The following DHCR7 variants were observed in gnomAD, a reference collection of about 807,000 sequenced individuals.
DHCR7 encodes 7-dehydrocholesterol reductase, also known as 7-DHC reductase.
A neutral mutation model predicts 43.3 loss-of-function variants in DHCR7; 40 were observed. The observed-to-expected ratio is 0.92, with a 90% confidence interval of 0.72 to 1.20. DHCR7 has a LOEUF of 1.20. Among genes scored for constraint, DHCR7 ranks in the 50% most tolerant of loss-of-function variants. DHCR7 has a pLI of 0.00. For synonymous variants in DHCR7, 298 were observed against 271.4 expected, an observed-to-expected ratio of 1.10 and a Z score of -0.96; for missense variants, 608 against 644.6, an observed-to-expected ratio of 0.94 and a Z score of 0.62.
chr11:71,440,175 A>C (rs1949333348), intron 6 of DHCR7, among the ~76,000 whole-genome samples: 1 of 152,110 alleles, frequency 6.6e-6, no homozygotes, highest in South Asian at 2.1e-4. Context: ...AGGAAGCCAG[A>C]GGGAGCAGGC....
chr11:71,438,990 A>G lies in DHCR7; in HGVS notation c.720T>C (p.Asn240=). The change falls in exon 7 of 9, where the codon AAT becomes AAC. Residue 240 remains asparagine (N), a synonymous_variant. Coordinates refer to ENST00000355527, the MANE Select transcript of DHCR7 (RefSeq NM_001360.3). ...TCCAGGCGACGATCCCGGGGCGCCC[A>G]TTGAAGAACAGCTTGAAGTCAAACC... ...GKWFDFKLFF[N]GRPGIVAWTL... 1 of 1,614,126 alleles carries G rather than the reference A, an allele frequency of 6.2e-7. No individual in the cohort carries two copies. Among genetic ancestry groups the G allele is most frequent in the Non-Finnish European group, 8.5e-7 (1 of 1,180,046 alleles).
chr11:71,441,296 A>T lies in DHCR7; in HGVS notation c.557T>A (p.Ile186Asn), dbSNP rs1472308699. ...GAAGGTGGAGACGGCATAGCCAAGGATGTTGGCGCACCACAGCAGTGGGAT... is the reference window on the plus strand; with the variant it reads ...GAAGGTGGAGACGGCATAGCCAAGGTTGTTGGCGCACCACAGCAGTGGGAT... Reference protein sequence around the residue: ...NWIPLLWCANILGYAVSTFAM... With the variant: ...NWIPLLWCANNLGYAVSTFAM... The change falls in exon 6 of 9, where the codon ATC becomes AAC. Residue 186 changes from isoleucine to asparagine, a missense_variant. Ile to Asn is a moderately radical substitution (Grantham distance 149). Coordinates refer to ENST00000355527, the MANE Select transcript of DHCR7 (RefSeq NM_001360.3). 3 of 1,614,192 alleles carry T rather than the reference A, an allele frequency of 1.9e-6. No individual in the cohort carries two copies. Among genetic ancestry groups the T allele is most frequent in the Non-Finnish European group, 2.5e-6 (3 of 1,180,036 alleles).
intron 2 of DHCR7, among the ~76,000 whole-genome samples, chr11:71,429,063 T>G (rs1949215072): frequency 6.6e-6 from 1 of 152,230 alleles, no homozygotes; most frequent in Non-Finnish European, 1.5e-5. Flanking sequence ...CAGCTAAGTG[T>G]TGCAAACAGT....
intron 8 of DHCR7, among the ~76,000 whole-genome samples, chr11:71,437,006 G>A (rs1005500293): frequency 6.6e-6 from 1 of 152,172 alleles, no homozygotes; most frequent in Non-Finnish European, 1.5e-5. Flanking sequence ...GAGAAATGGG[G>A]CCGGGTGGGC....
intron 6 of DHCR7, 33 bp from the exon 7 acceptor site, chr11:71,439,116 G>A (rs746371113): frequency 3.2e-6 from 5 of 1,587,074 alleles, no homozygotes; most frequent in African/African-American, 1.4e-5. Flanking sequence ...ACATTTAGTG[G>A]ATGAGCATAT....
chr11:71,444,854 C>G lies in DHCR7; in HGVS notation c.98+1G>C. ...GCTGGGAGAACAGGCAAGATCCTTA[C>G]CAGGCACGGCCCCACTGCCCTTGAG... is the stretch of plus-strand genomic sequence containing the variant. On this transcript the variant is annotated splice_donor_variant, in intron 3 of 8. Coordinates refer to ENST00000355527, the MANE Select transcript of DHCR7 (RefSeq NM_001360.3). LOFTEE classifies it high-confidence loss of function. The G allele has an allele frequency of 6.2e-7, 1 of 1,613,752 alleles. No individual in the cohort carries two copies. The highest frequency in any genetic ancestry group is 8.5e-7 in the Non-Finnish European group (1 of 1,179,602).
chr11:71,443,684 G>A (rs1949371941), intron 4 of DHCR7, among the ~76,000 whole-genome samples: 1 of 152,192 alleles, frequency 6.6e-6, no homozygotes, highest in African/African-American at 2.4e-5. Context: ...GCTTCCTCAG[G>A]ACAGCACTGC....
intron 2 of DHCR7, among the ~76,000 whole-genome samples, chr11:71,429,026 C>A (rs1249394115): frequency 2.0e-5 from 3 of 152,230 alleles, no homozygotes; most frequent in Admixed American, 2.0e-4. Context: ...AACAAGGAAA[C>A]CAGTTCCAGA....
Position 71,434,904 on chromosome 11 carries a change from G to C in DHCR7, c.*471C>G, listed in dbSNP as rs1342962711. 2.8e-6 allele frequency: 1 copy of C among 358,800 alleles called. No individual in the cohort carries two copies. The highest frequency in any genetic ancestry group is 7.4e-5 in the East Asian group (1 of 13,522). 22.2% of individuals were successfully genotyped at this position (358,800 alleles called of 1,614,324 possible). On this transcript the variant is annotated 3_prime_UTR_variant, in exon 9 of 9. Transcript: ENST00000355527. Reference sequence around the variant, plus strand: ...CACGGGCCCCACCCACGACTGCAGAGCAGGCAGGGGAGGGGGATCTAGAGC... The same window carrying C: ...CACGGGCCCCACCCACGACTGCAGACCAGGCAGGGGAGGGGGATCTAGAGC...
At chr11:71,441,144 A>AC in intron 6 of DHCR7, 83 bp downstream of exon 6, 1 of 1,346,916 alleles carries the variant, frequency 7.4e-7, no homozygotes, top group South Asian at 1.2e-5. Flanking sequence ...GGGCTTTACA[A>AC]CCACCTGCCC....
chr11:71,445,223 GC>G lies in DHCR7; in HGVS notation c.-6-266del, dbSNP rs570160599. Among the ~76,000 whole-genome samples the G allele has an allele frequency of 1.2e-3, 187 of 152,256 alleles. 1 individual carries two copies. The highest frequency in any genetic ancestry group is 4.1e-3 in the African/African-American group (169 of 41,562). On this transcript the variant is annotated intron_variant, in intron 2 of 8. Coordinates refer to ENST00000355527, the MANE Select transcript of DHCR7 (RefSeq NM_001360.3). ...GTTCATTCTCCAAACATGGCAGAATGCCCCCCCTCTTACAGCACAAGCTGGC... is the reference window on the plus strand; with the variant it reads ...GTTCATTCTCCAAACATGGCAGAATGCCCCCCTCTTACAGCACAAGCTGGC...
In DHCR7 at chr11:71,435,347, C is replaced by A. The variant is rs114143715; in HGVS notation, c.*28G>T. ...CTGGCAGAACACGCTCTTGACAGCC[C>A]CACAGGGCTTCTCCCTAGGGCGTGC... On this transcript the variant is annotated 3_prime_UTR_variant, in exon 9 of 9. Coordinates refer to ENST00000355527, the MANE Select transcript of DHCR7 (RefSeq NM_001360.3). 8.4e-4 allele frequency: 1,347 copies of A among 1,607,478 alleles called. 9 individuals are homozygous for A. In the African/African-American group the frequency reaches 0.016, roughly 19 times the overall value.
chr11:71,432,869 G>A (rs1369449815), downstream of DHCR7, among the ~76,000 whole-genome samples: 3 of 152,214 alleles, frequency 2.0e-5, no homozygotes, highest in Non-Finnish European at 4.4e-5. Flanking sequence ...GATATGTGCT[G>A]AGCAATTGAT....
At chr11:71,440,180 G>A (rs1317306244) in intron 6 of DHCR7, among the ~76,000 whole-genome samples, 1 of 152,194 alleles carries the variant, frequency 6.6e-6, no homozygotes, top group African/African-American at 2.4e-5. Context: ...GCCAGAGGGA[G>A]CAGGCTAGGA....
chr11:71,438,770 C>A, intron 7 of DHCR7, 109 bp downstream of exon 7: 1 of 1,210,220 alleles, frequency 8.3e-7, no homozygotes, highest in South Asian at 1.3e-5. Context: ...GGGCAGCTGA[C>A]TCTCTTTTAC....
At chr11:71,432,023 G>A (rs1029162596), downstream of DHCR7, among the ~76,000 whole-genome samples, 5 of 152,224 alleles carry the variant, frequency 3.3e-5, no homozygotes, top group African/African-American at 7.2e-5. Flanking sequence ...ATGGGGTTTC[G>A]CCATGTTGCC....
intron 3 of DHCR7, 42 bp from the exon 4 acceptor site, chr11:71,444,257 C>T (rs1482787621): frequency 2.0e-6 from 3 of 1,488,798 alleles, no homozygotes; most frequent in South Asian, 1.2e-5. Flanking sequence ...GGCCCATCTG[C>T]CCTGGGCCCC....
Position 71,437,994 on chromosome 11 carries a change from A to G in DHCR7, c.832-51T>C, listed in dbSNP as rs544262288. 5.2e-5 allele frequency: 83 copies of G among 1,604,448 alleles called. No homozygotes were observed. In the South Asian group the frequency reaches 6.9e-4, roughly 13 times the overall value. On this transcript the variant is annotated intron_variant, in intron 7 of 8. Coordinates refer to ENST00000355527, the MANE Select transcript of DHCR7 (RefSeq NM_001360.3). The stretch of plus-strand genomic sequence containing the variant: ...CACCCCCGGCCCTCCTGGGGCCCCC[A>G]TGGACCTCGGGGAAATCACACTCCA...
chr11:71,429,813 A>G (rs901300207), downstream of DHCR7, among the ~76,000 whole-genome samples: 20 of 152,150 alleles, frequency 1.3e-4, no homozygotes, highest in Non-Finnish European at 2.2e-4. Flanking sequence ...TCTTGCTAAC[A>G]GCCATCTTGC....
Sources: gnomAD v4.1 joint callset for allele counts (sites outside exome capture counted in the v4.1 genomes callset) on GRCh38, gnomAD v4.1.1 for gene constraint, MANE v1.5 for transcripts, NCBI Gene and HGNC (gene_info 2026-07-23, HGNC 2026-07-21) for gene names.